The following URI1 variants were observed in gnomAD, a reference collection of about 807,000 sequenced individuals.
The protein encoded by URI1 is URI1 prefoldin like chaperone.
URI1 carries 39 observed loss-of-function variants against 60.2 expected under a neutral mutation model. The ratio of observed to expected loss-of-function variants is 0.65; its 90% CI spans 0.50 to 0.85. The LOEUF is 0.85. Among genes scored for constraint, URI1 ranks in the 40% least tolerant of loss-of-function variants. The pLI, the probability that URI1 is intolerant of heterozygous loss-of-function variation, is 0.00. For missense variants in URI1, 691 were observed against 665.9 expected (o/e 1.04, Z -0.42); for synonymous variants, 251 against 236.8 (o/e 1.06, Z -0.55).
At chr19:29,964,290 G>A (rs969707894) in intron 1 of URI1, among the ~76,000 whole-genome samples, 1 of 152,024 alleles carries the variant, frequency 6.6e-6, no homozygotes, top group Non-Finnish European at 1.5e-5. Flanking sequence ...TTATCTGTCT[G>A]TCTCTTCTAC....
chr19:29,995,635 C>T (rs1009217327), intron 4 of URI1, among the ~76,000 whole-genome samples: 17 of 150,214 alleles, frequency 1.1e-4, no homozygotes, highest in Admixed American at 6.0e-4. Flanking sequence ...TTAATTTTCA[C>T]TGTCCAGTTA....
At chr19:30,001,005 C>A (rs1199296201) in intron 4 of URI1, among the ~76,000 whole-genome samples, 1 of 151,376 alleles carries the variant, frequency 6.6e-6, no homozygotes. Context: ...TTGGCTGTTT[C>A]TTTGTTACAG....
At chr19:29,941,046 C>CTT (rs1423109549), upstream of URI1, among the ~76,000 whole-genome samples, 1 of 152,134 alleles carries the variant, frequency 6.6e-6, no homozygotes, top group Non-Finnish European at 1.5e-5. Flanking sequence ...TCCTTGCTTT[C>CTT]TTCCTTTGAA....
At chr19:29,994,561 GT>G (rs2055787680) in intron 4 of URI1, among the ~76,000 whole-genome samples, 1 of 151,794 alleles carries the variant, frequency 6.6e-6, no homozygotes, top group Non-Finnish European at 1.5e-5. Flanking sequence ...ATAGCATAAT[GT>G]TTTCTAGGTT....
chr19:30,005,443 A>C lies in URI1; in HGVS notation c.450A>C (p.Lys150Asn). 6.3e-7 allele frequency: 1 copy of C among 1,598,296 alleles called. No individual in the cohort carries two copies. Among genetic ancestry groups the C allele is most frequent in the Non-Finnish European group, 8.5e-7 (1 of 1,174,690 alleles). The change falls in exon 5 of 11, where the codon AAA becomes AAC. Residue 150 changes from lysine (K) to asparagine (N), a missense_variant. Physicochemically the swap from Lys to Asn is moderately conservative, Grantham distance 94. Transcript: ENST00000392271. ...SRVEFTEDLQ[K>N]MSDAAGDIVD... ...TTGAATTCACAGAAGATTTGCAGAA[A>C]ATGAGCGATGTGAGTATTTGTTTTT...
rs116969062 is a variant in URI1, at chr19:29,991,126, C to G, written c.367+4709C>G. Among the ~76,000 whole-genome samples, 328 of 152,214 alleles carry G rather than the reference C, an allele frequency of 2.2e-3. 5 individuals are homozygous for G. The East Asian group carries it at 0.054, about 25-fold the overall frequency. On this transcript the variant is annotated intron_variant, in intron 4 of 10. Coordinates refer to ENST00000392271, the MANE Select transcript of URI1 (RefSeq NM_003796.3). ...TTCCATATACATTTTAGAAACCACT[C>G]GCTTATGTTTACAAAAACTCCTAGT...
At chr19:29,946,047 C>T (rs927396084) in intron 1 of URI1, among the ~76,000 whole-genome samples, 1 of 134,558 alleles carries the variant, frequency 7.4e-6, no homozygotes, top group African/African-American at 2.8e-5. Context: ...TTCAAACAAC[C>T]ATCTTCCAGT....
chr19:30,002,227 T>C (rs954506610), intron 4 of URI1, among the ~76,000 whole-genome samples: 2 of 152,086 alleles, frequency 1.3e-5, no homozygotes, highest in African/African-American at 2.4e-5. Context: ...TCTGCATTTC[T>C]GTTCCTTTCA....
upstream of URI1, among the ~76,000 whole-genome samples, chr19:29,937,248 T>C (rs2054981524): frequency 6.6e-6 from 1 of 152,198 alleles, no homozygotes; most frequent in African/African-American, 2.4e-5. Flanking sequence ...TTAAACTATC[T>C]CTTCATTGGC....
At chr19:30,011,478 T>C (rs2056018753) in intron 9 of URI1, among the ~76,000 whole-genome samples, 3 of 152,018 alleles carry the variant, frequency 2.0e-5, no homozygotes, top group African/African-American at 7.2e-5. Flanking sequence ...TTGAAACATT[T>C]CCAAATGGTC....
chr19:29,998,774 G>A (rs2055843285), intron 4 of URI1, among the ~76,000 whole-genome samples: 1 of 151,928 alleles, frequency 6.6e-6, no homozygotes, highest in Non-Finnish European at 1.5e-5. Flanking sequence ...GCCAATTTAT[G>A]CTTTTTGATT....
In URI1 at chr19:30,005,695, CT is replaced by C; in HGVS notation, c.506del (p.Phe169SerfsTer31). 1 of 1,611,326 alleles carries C rather than the reference CT, an allele frequency of 6.2e-7. No homozygotes were observed. Among genetic ancestry groups the C allele is most frequent in the Non-Finnish European group, 8.5e-7 (1 of 1,178,890 alleles). On this transcript the variant is annotated frameshift_variant, in exon 6 of 11. Transcript: ENST00000392271. LOFTEE classifies it high-confidence loss of function. ...VDIREEIKCD[F>X]EFKAKHRIAH... Reference sequence around the variant, plus strand: ...ACATACGAGAAGAAATTAAATGTGACTTCGAATTTAAAGGTAAGCAGTAAGA... The same window carrying C: ...ACATACGAGAAGAAATTAAATGTGACTCGAATTTAAAGGTAAGCAGTAAGA...
At chr19:29,954,511 CTTTT>C (rs11411965) in intron 1 of URI1, among the ~76,000 whole-genome samples, 1 of 115,918 alleles carries the variant, frequency 8.6e-6, no homozygotes. Flanking sequence ...TACAGATAAA[CTTTT>C]TTTTTTTTTT....
In URI1 at chr19:29,932,173, T is replaced by A. The variant is rs747009990; in HGVS notation, c.63+8419T>A. 3.9e-5 allele frequency among the ~76,000 whole-genome samples: 6 copies of A among 152,126 alleles called. No homozygotes were observed. In the South Asian group the frequency reaches 6.2e-4, roughly 16 times the overall value. ...AATCTTCAGTCTCTCATTATTATGT[T>A]AGTTATGGGCTTTTCTTATATGGTC... On this transcript the variant is annotated intron_variant, in intron 1 of 10. Coordinates refer to the URI1 transcript ENST00000360605.
At chr19:29,969,215 T>G (rs2055428154) in intron 1 of URI1, among the ~76,000 whole-genome samples, 1 of 152,210 alleles carries the variant, frequency 6.6e-6, no homozygotes, top group Non-Finnish European at 1.5e-5. Context: ...TGAAAATTTC[T>G]CTTGTACATT....
At chr19:29,999,485 T>G (rs2055851868) in intron 4 of URI1, among the ~76,000 whole-genome samples, 1 of 152,094 alleles carries the variant, frequency 6.6e-6, no homozygotes, top group Non-Finnish European at 1.5e-5. Context: ...TCAGCACTTT[T>G]TAAATATATG....
chr19:29,975,339 T>G (rs923646967), intron 2 of URI1, among the ~76,000 whole-genome samples: 5 of 152,014 alleles, frequency 3.3e-5, no homozygotes, highest in Non-Finnish European at 7.4e-5. Context: ...GTATATATCT[T>G]TAAGAGACAA....
chr19:29,934,616 G>T (rs906776511), intron 1 of URI1, among the ~76,000 whole-genome samples: 8 of 152,194 alleles, frequency 5.3e-5, no homozygotes, highest in African/African-American at 1.9e-4. Flanking sequence ...GCTCACTGCA[G>T]CTTCGACCTC....
rs769935900 is a variant in URI1, at chr19:30,012,531, GGT to G, written c.1425+11_1425+12del. On this transcript the variant is annotated splice_donor_variant, in intron 10 of 10. Transcript: ENST00000392271. LOFTEE classifies it high-confidence loss of function. ...TTTTGCCCTTATCAGTAACACCTGA[GGT>G]GTGTGTGTGTATCTTTTAATTCTTT... 1.2e-6 allele frequency: 2 copies of G among 1,613,364 alleles called. No individual in the cohort carries two copies. Among genetic ancestry groups the G allele is most frequent in the Non-Finnish European group, 1.7e-6 (2 of 1,179,638 alleles).
Sources: allele counts gnomAD v4.1 joint callset (sites outside exome capture counted in the v4.1 genomes callset), GRCh38; gene constraint gnomAD v4.1.1; transcripts MANE v1.5; gene names NCBI Gene and HGNC (gene_info 2026-07-23, HGNC 2026-07-21).